Variants in LAIR1 observed in about 807,000 individuals in gnomAD.
The protein encoded by LAIR1 is leukocyte associated immunoglobulin like receptor 1.
A neutral mutation model predicts 32.8 loss-of-function variants in LAIR1; 24 were observed. The observed-to-expected ratio is 0.73, with a 90% CI of 0.53 to 1.03. The LOEUF (loss-of-function observed/expected upper bound fraction) is 1.03. LAIR1 is among the 50% of genes least tolerant of loss of function. LAIR1 has a pLI of 0.00. For synonymous variants in LAIR1, 150 were observed against 140.5 expected (o/e 1.07, Z -0.48); for missense variants, 355 against 347.5 (o/e 1.02, Z -0.17).
upstream of LAIR1, chr19:54,368,460 C>T (rs2082321588): frequency 6.6e-6 from 1 of 152,190 alleles, no homozygotes. Flanking sequence ...AGATTATCCT[C>T]CCTGCCTCTT....
chr19:54,356,829 T>C lies in LAIR1; in HGVS notation c.454+99A>G, dbSNP rs1051900467. ...CTCTGCACAGGGACACAGACTGCCA[T>C]TGGCAGAGCAGGAATCTGATCAACC... On this transcript the variant is annotated intron_variant, in intron 5 of 9. Transcript: ENST00000391742. The C allele has an allele frequency of 1.1e-5, 16 of 1,463,878 alleles. No individual in the cohort carries two copies. In the African/African-American group the frequency reaches 2.0e-4, roughly 18 times the overall value. 90.7% of individuals were successfully genotyped at this position (1,463,878 alleles called of 1,614,324 possible). A position where few individuals can be genotyped will look rare whatever the true frequency, so the allele number is the denominator to read the frequency against.
In LAIR1 at chr19:54,361,122, A is replaced by G; in HGVS notation, c.158T>C (p.Val53Ala). 2.5e-6 allele frequency: 4 copies of G among 1,614,108 alleles called. No homozygotes were observed. The highest frequency in any genetic ancestry group is 3.4e-6 in the Non-Finnish European group (4 of 1,179,988). The change falls in exon 3 of 10, where the codon GTT becomes GCT. Residue 53 changes from valine to alanine, a missense_variant. Physicochemically the swap from Val to Ala is moderately conservative, Grantham distance 64. Coordinates refer to ENST00000391742, the MANE Select transcript of LAIR1 (RefSeq NM_002287.6). Reference sequence around the variant, plus strand: ...CTCCAGGCGGAATGTTTGAACCCCAACCGGGCCCCGGCACACGAAAGTCAC... The same window carrying G: ...CTCCAGGCGGAATGTTTGAACCCCAGCCGGGCCCCGGCACACGAAAGTCAC... ...SHVTFVCRGPVGVQTFRLERD... is the reference protein window; with the variant it reads ...SHVTFVCRGPAGVQTFRLERD...
chr19:54,364,045 G>A lies in LAIR1; in HGVS notation c.70+250C>T, dbSNP rs922232181. On this transcript the variant is annotated intron_variant, in intron 2 of 9. Coordinates refer to ENST00000391742, the MANE Select transcript of LAIR1 (RefSeq NM_002287.6). The surrounding 1 kb of genome is among the most constrained non-coding windows in gnomAD (Gnocchi z 4.8). The stretch of plus-strand genomic sequence containing the variant: ...ACGTCATAATATCACACTGTACCCC[G>A]CAAATTGCAATTATTTGTCAATTAA... Among the ~76,000 whole-genome samples the A allele has an allele frequency of 2.0e-5, 3 of 151,828 alleles. No homozygotes were observed. Among genetic ancestry groups the A allele is most frequent in the African/African-American group, 4.9e-5 (2 of 41,220 alleles).
Position 54,360,946 on chromosome 19 carries a change from G to T in LAIR1, c.334C>A (p.Gln112Lys). The T allele has an allele frequency of 6.2e-7, 1 of 1,614,162 alleles. No individual in the cohort carries two copies. Among genetic ancestry groups the T allele is most frequent in the Non-Finnish European group, 8.5e-7 (1 of 1,180,026 alleles). The change falls in exon 3 of 10, where the codon CAG (glutamine) becomes AAG (lysine). Residue 112 changes from glutamine (Q) to lysine (K), a missense_variant. Gln to Lys is a moderately conservative substitution (Grantham distance 53). Transcript: ENST00000391742. ...ACCAGCAGCTCCAGGTAGTCACTCT[G>T]CTCAGACCATTTAGGGGGCTTATAA... ...IYYKPPKWSE[Q>K]SDYLELLVKE...
At chr19:54,373,274 C>G (rs775785376), upstream of LAIR1, among the ~76,000 whole-genome samples, 2 of 150,758 alleles carry the variant, frequency 1.3e-5, no homozygotes, top group East Asian at 3.9e-4. Flanking sequence ...AACCCCATCT[C>G]TACTAAAAAA....
At chr19:54,367,349 T>A (rs1347059215), upstream of LAIR1, among the ~76,000 whole-genome samples, 1 of 152,192 alleles carries the variant, frequency 6.6e-6, no homozygotes, top group Non-Finnish European at 1.5e-5. Context: ...CAGTCCCTGG[T>A]ATATCCTTCC....
At chr19:54,363,481 G>C (rs1470437406) in intron 2 of LAIR1, among the ~76,000 whole-genome samples, 1 of 152,168 alleles carries the variant, frequency 6.6e-6, no homozygotes, top group Non-Finnish European at 1.5e-5. Context: ...GGTGTGCGGA[G>C]CTGACGCCTG....
chr19:54,374,505 C>A (rs1424047701), upstream of LAIR1, among the ~76,000 whole-genome samples: 1 of 152,156 alleles, frequency 6.6e-6, no homozygotes, highest in African/African-American at 2.4e-5. Flanking sequence ...CCCAGACAAC[C>A]CCTGGGTATG....
chr19:54,360,981 C>G lies in LAIR1; in HGVS notation c.299G>C (p.Arg100Pro), dbSNP rs763391018. The change falls in exon 3 of 10, where the codon CGC (arginine) becomes CCC (proline). Residue 100 changes from arginine to proline, a missense_variant. Physicochemically the swap from Arg to Pro is moderately radical, Grantham distance 103. Transcript: ENST00000391742. ...TTTAGGGGGCTTATAATAGATGCAG[C>G]GATAAAGCCCGGCATTTCCTTCTCT... The part of the protein sequence containing the change: ...SVREGNAGLY[R>P]CIYYKPPKWS... 5 of 1,614,204 alleles carry G rather than the reference C, an allele frequency of 3.1e-6. No individual in the cohort carries two copies. Among genetic ancestry groups the G allele is most frequent in the African/African-American group, 1.3e-5 (1 of 75,054 alleles).
intron 4 of LAIR1, 150 bp from the exon 5 acceptor site, chr19:54,357,116 T>C: frequency 3.2e-6 from 2 of 634,326 alleles, no homozygotes; most frequent in Non-Finnish European, 5.5e-6. Flanking sequence ...AGCAGAGTCT[T>C]CTGTGATGAT....
upstream of LAIR1, among the ~76,000 whole-genome samples, chr19:54,365,782 A>T (rs1347003931): frequency 1.6e-5 from 2 of 121,478 alleles, no homozygotes; most frequent in African/African-American, 3.6e-5. Flanking sequence ...GACTCTGTCT[A>T]AAAAAAAAAA....
chr19:54,371,521 A>T (rs1470229879), upstream of LAIR1, among the ~76,000 whole-genome samples: 3 of 150,436 alleles, frequency 2.0e-5, no homozygotes. Flanking sequence ...CTGGTCTTGA[A>T]CTCCTGCCCT....
intron 4 of LAIR1, 123 bp from the exon 5 acceptor site, chr19:54,357,089 C>G (rs2081756238): frequency 2.4e-6 from 2 of 839,926 alleles, no homozygotes; most frequent in Non-Finnish European, 3.8e-6. Context: ...ACTGCTCCCT[C>G]TAGACCAGCA....
chr19:54,362,673 C>A (rs750976987), intron 2 of LAIR1, among the ~76,000 whole-genome samples: 1 of 152,186 alleles, frequency 6.6e-6, no homozygotes, highest in Non-Finnish European at 1.5e-5. Flanking sequence ...TTAGTAGAGA[C>A]GGGGTTTCCC....
upstream of LAIR1, among the ~76,000 whole-genome samples, chr19:54,366,272 G>A (rs2082250184): frequency 6.6e-6 from 1 of 152,134 alleles, no homozygotes; most frequent in Admixed American, 6.5e-5. Flanking sequence ...GGAAGAGAAG[G>A]GAATGTTTGA....
Position 54,356,279 on chromosome 19 carries a change from A to C in LAIR1, c.627-12T>G, listed in dbSNP as rs1467211941. On this transcript the variant is annotated splice_polypyrimidine_tract_variant and intron_variant, in intron 7 of 9. Coordinates refer to ENST00000391742, the MANE Select transcript of LAIR1 (RefSeq NM_002287.6). The stretch of plus-strand genomic sequence containing the variant: ...CAGCCAGGTCAGGCCTAAGAGGAAA[A>C]ATAAAAGTGAACCTCAGGGGCAGCC... The C allele has an allele frequency of 1.2e-6, 2 of 1,612,942 alleles. No homozygotes were observed. The highest frequency in any genetic ancestry group is 1.7e-5 in the Admixed American group (1 of 59,824).
chr19:54,361,208 T>G lies in LAIR1; in HGVS notation c.72A>C (p.Glu24Asp), dbSNP rs201679438. The G allele has an allele frequency of 1.3e-4, 217 of 1,613,640 alleles. No individual in the cohort carries two copies. Among genetic ancestry groups the G allele is most frequent in the Non-Finnish European group, 1.7e-4 (206 of 1,179,760 alleles). The change falls in exon 3 of 10, where the codon GAA becomes GAC. Residue 24 changes from glutamate to aspartate, a missense_variant and splice_region_variant. Transcript: ENST00000391742. ...CLAQTIHTQE[E>D]DLPRPSISAE... ...CCGAGATGGAGGGTCTGGGCAGATC[T>G]TCTAGGAGGGAAGCAGAGCAGGATC...
At chr19:54,371,251 T>A, upstream of LAIR1, among the ~76,000 whole-genome samples, 1 of 151,388 alleles carries the variant, frequency 6.6e-6, no homozygotes, top group East Asian at 1.9e-4. Flanking sequence ...CTCTCATCGA[T>A]GTACCTATTT....
Position 54,355,649 on chromosome 19 carries a change from C to G in LAIR1, c.718-235G>C, listed in dbSNP as rs532016472. Among the ~76,000 whole-genome samples the G allele has an allele frequency of 5.9e-5, 9 of 152,338 alleles. No homozygotes were observed. The highest frequency in any genetic ancestry group is 5.2e-4 in the Admixed American group (8 of 15,306). ...GCCAAAAGACATGGTGCTTCTGTCC[C>G]CTCCCTGCCACCCATCCTTGGATCC... On this transcript the variant is annotated intron_variant, in intron 9 of 9. Transcript: ENST00000391742. This position sits in a 1 kb window ranked among gnomAD's most constrained non-coding sequence, Gnocchi z 4.7.
Sources: allele counts gnomAD v4.1 joint callset (sites outside exome capture counted in the v4.1 genomes callset), GRCh38; gene constraint gnomAD v4.1.1; non-coding constraint Gnocchi (gnomAD v3.1); transcripts MANE v1.5; gene names NCBI Gene and HGNC (gene_info 2026-07-23, HGNC 2026-07-21).